The following RELN variants were observed in gnomAD, a reference collection of about 807,000 sequenced individuals.
RELN encodes the protein reelin.
Under a neutral mutation model 427.6 loss-of-function variants are expected in RELN, and 108 were observed. The observed-to-expected ratio is 0.25, with a 90% CI of 0.22 to 0.30. The LOEUF (loss-of-function observed/expected upper bound fraction) is 0.30, where lower values mean the gene tolerates loss of function less well. RELN is among the 10% of genes least tolerant of loss of function. The pLI, the probability that RELN is intolerant of heterozygous loss-of-function variation, is 1.00. For synonymous variants in RELN, 1,524 were observed against 1,513.4 expected, an observed-to-expected ratio of 1.01 and a Z score of -0.16; for missense variants, 3,715 against 4,302.8, an observed-to-expected ratio of 0.86 and a Z score of 3.82.
At chr7:103,725,125 G>T (rs951248158) in intron 7 of RELN, among the ~76,000 whole-genome samples, 1 of 152,076 alleles carries the variant, frequency 6.6e-6, no homozygotes, top group East Asian at 1.9e-4. Context: ...ATAACTAAAT[G>T]AATCAGAAGA....
intron 1 of RELN, among the ~76,000 whole-genome samples, chr7:103,940,634 TG>T (rs1421211465): frequency 6.6e-6 from 1 of 152,202 alleles, no homozygotes; most frequent in Non-Finnish European, 1.5e-5. Context: ...AGGGCTGGCC[TG>T]GGAGCACCTT....
At position 103,510,989 on chromosome 7, in the gene RELN, T is replaced by C. The variant is rs3808039; in HGVS notation, c.8136A>G (p.Leu2712=). ...EDKTSVNEHW[L]FHDDCTVERF... ...TTTCTACTGTACAATCATCATGGAA[T>C]AGCCAGTGCTCATTCACTTAAAACA... The change falls in exon 51 of 65, where the codon CTA becomes CTG. Residue 2712 remains leucine (L), a synonymous_variant. Coordinates refer to ENST00000428762, the MANE Select transcript of RELN (RefSeq NM_005045.4). 64,195 of 1,613,078 alleles carry C rather than the reference T, an allele frequency of 0.04. 1,896 individuals carry two copies. Among genetic ancestry groups the C allele is most frequent in the East Asian group, 0.16 (7,141 of 44,838 alleles).
intron 2 of RELN, among the ~76,000 whole-genome samples, chr7:103,852,824 A>G (rs986715683): frequency 2.0e-5 from 3 of 152,122 alleles, no homozygotes; most frequent in Non-Finnish European, 4.4e-5. Flanking sequence ...ATTATGTACC[A>G]TAAGAAAACA....
chr7:103,611,218 CTTT>C (rs1831946827), intron 21 of RELN, among the ~76,000 whole-genome samples: 1 of 152,058 alleles, frequency 6.6e-6, no homozygotes, highest in Non-Finnish European at 1.5e-5. Context: ...TATATTTCTT[CTTT>C]GTTTCTAAAG....
In RELN at chr7:103,915,416, T is replaced by C. The variant is rs76770157; in HGVS notation, c.337+1659A>G. On this transcript the variant is annotated intron_variant, in intron 2 of 64. Coordinates refer to ENST00000428762, the MANE Select transcript of RELN (RefSeq NM_005045.4). Reference sequence around the variant, plus strand: ...ATTTAATCAACATCTGTCTTTCCAATAGAATAGAAGTCCTCACACTTTAAC... The same window carrying C: ...ATTTAATCAACATCTGTCTTTCCAACAGAATAGAAGTCCTCACACTTTAAC... Among the ~76,000 whole-genome samples the C allele has an allele frequency of 7.4e-3, 1,123 of 152,260 alleles. 13 individuals carry two copies. Among genetic ancestry groups the C allele is most frequent in the African/African-American group, 0.026 (1,067 of 41,544 alleles).
intron 22 of RELN, 42 bp downstream of exon 22, chr7:103,610,653 T>A (rs1831929136): frequency 1.0e-6 from 1 of 992,692 alleles, no homozygotes; most frequent in South Asian, 1.3e-5. Context: ...AAAGGGATAG[T>A]CAAAGTTAAA....
chr7:103,608,439 A>AC (rs1292826104), intron 22 of RELN, among the ~76,000 whole-genome samples: 4 of 152,130 alleles, frequency 2.6e-5, no homozygotes, highest in Non-Finnish European at 5.9e-5. Context: ...CTTTGAAGGA[A>AC]ATTTGGAAAA....
intron 6 of RELN, among the ~76,000 whole-genome samples, chr7:103,736,687 C>A (rs1790501619): frequency 6.6e-6 from 1 of 152,268 alleles, no homozygotes. Context: ...ATGGTAAATT[C>A]CACTACATGC....
At chr7:103,639,002 C>G (rs1726098589) in intron 17 of RELN, among the ~76,000 whole-genome samples, 1 of 152,090 alleles carries the variant, frequency 6.6e-6, no homozygotes, top group African/African-American at 2.4e-5. Context: ...TAATTTTTTT[C>G]CCCAAAACTT....
At chr7:103,781,332 T>C (rs1467099379) in intron 3 of RELN, among the ~76,000 whole-genome samples, 1 of 152,134 alleles carries the variant, frequency 6.6e-6, no homozygotes, top group African/African-American at 2.4e-5. Context: ...TCTATGGAAA[T>C]ATATATATTC....
chr7:103,985,576 A>G (rs1797079908), intron 1 of RELN, among the ~76,000 whole-genome samples: 1 of 152,200 alleles, frequency 6.6e-6, no homozygotes, highest in Admixed American at 6.5e-5. Context: ...AAGTCTTTCT[A>G]TCCCCATATC....
rs1232494791 is a variant in RELN, at chr7:103,953,509, T to C, written c.226+35622A>G. ...AGTGCTGATATTTTTAAGGCACTGG[T>C]AGGGGGACATACACACACACAGAAT... On this transcript the variant is annotated intron_variant, in intron 1 of 64. Coordinates refer to ENST00000428762, the MANE Select transcript of RELN (RefSeq NM_005045.4). This position sits in a 1 kb window ranked among gnomAD's most constrained non-coding sequence, Gnocchi z 4.3. Among the ~76,000 whole-genome samples the C allele has an allele frequency of 6.6e-6, 1 of 152,164 alleles. No individual in the cohort carries two copies. The highest frequency in any genetic ancestry group is 2.4e-5 in the African/African-American group (1 of 41,430).
At chr7:103,741,584 G>A (rs1462956222) in intron 6 of RELN, among the ~76,000 whole-genome samples, 6 of 151,682 alleles carry the variant, frequency 4.0e-5, no homozygotes, top group Non-Finnish European at 7.4e-5. Flanking sequence ...AGAAAAGGAG[G>A]GTGAGGGGAA....
intron 51 of RELN, among the ~76,000 whole-genome samples, chr7:103,503,893 T>TAAC (rs1829118658): frequency 1.0e-5 from 1 of 96,610 alleles, no homozygotes; most frequent in African/African-American, 3.5e-5. Flanking sequence ...AATGTTCTTG[T>TAAC]AAAAAAAAAA....
At chr7:103,651,272 T>C (rs1832908172) in intron 15 of RELN, among the ~76,000 whole-genome samples, 1 of 152,058 alleles carries the variant, frequency 6.6e-6, no homozygotes, top group Non-Finnish European at 1.5e-5. Flanking sequence ...CAGAAAAAAG[T>C]GGAAAGTCAG....
In RELN at chr7:103,490,773, A is replaced by G. The variant is rs1554362492; in HGVS notation, c.9500T>C (p.Ile3167Thr). 1 of 1,614,198 alleles carries G rather than the reference A, an allele frequency of 6.2e-7. No homozygotes were observed. The highest frequency in any genetic ancestry group is 8.5e-7 in the Non-Finnish European group (1 of 1,180,032). ...ATGGAACTGGAAAGGGGAGCAGCCAATGCTGTTAGAAGAGGAAGGAAGGCA... is the reference window on the plus strand; with the variant it reads ...ATGGAACTGGAAAGGGGAGCAGCCAGTGCTGTTAGAAGAGGAAGGAAGGCA... ...TQCLPSSSNS[I>T]GCSPFQFHEA... Residue 3167 changes from isoleucine (I) to threonine (T), a missense_variant, in exon 59 of 65, where the codon ATT becomes ACT. By Grantham distance (89) the Ile-to-Thr change is moderately conservative. Around this residue, in one of 4 missense-constraint regions of RELN, gnomAD observed 1,310 missense variants for 1,643.0 expected, o/e 0.80. Coordinates refer to ENST00000428762, the MANE Select transcript of RELN (RefSeq NM_005045.4).
chr7:103,694,710 A>C (rs1380920842), intron 10 of RELN, among the ~76,000 whole-genome samples: 1 of 152,020 alleles, frequency 6.6e-6, no homozygotes, highest in Non-Finnish European at 1.5e-5. Context: ...AACACCTTGG[A>C]AATTTTTTTT....
At chr7:103,728,610 A>G (rs1295236078) in intron 6 of RELN, among the ~76,000 whole-genome samples, 1 of 152,210 alleles carries the variant, frequency 6.6e-6, no homozygotes, top group African/African-American at 2.4e-5. Flanking sequence ...ATTATATAAT[A>G]TATACATGCC....
intron 2 of RELN, among the ~76,000 whole-genome samples, chr7:103,890,397 G>T (rs907469049): frequency 5.3e-5 from 8 of 152,108 alleles, no homozygotes; most frequent in Admixed American, 2.6e-4. Flanking sequence ...ACAGCAGGAG[G>T]TAAGGTGAAC....
Sources: gnomAD v4.1 joint callset for allele counts (sites outside exome capture counted in the v4.1 genomes callset) on GRCh38, gnomAD v4.1.1 for gene constraint, gnomAD v4.1.1 regional missense constraint, Gnocchi (gnomAD v3.1) non-coding constraint, MANE v1.5 for transcripts, NCBI Gene and HGNC (gene_info 2026-07-23, HGNC 2026-07-21) for gene names.